Variants in PGAP4 observed in about 807,000 individuals in gnomAD.
The protein encoded by PGAP4 is GPI-N-acetylgalactosamine transferase PGAP4.
Under a neutral mutation model 28.2 loss-of-function variants are expected in PGAP4, and 12 were observed. That is an observed-to-expected ratio of 0.42 (90% CI 0.27 to 0.69). The LOEUF (loss-of-function observed/expected upper bound fraction) is 0.69. PGAP4 is among the 30% of genes least tolerant of loss of function. PGAP4 has a pLI of 0.22. For synonymous variants in PGAP4, 205 were observed against 211.8 expected (o/e 0.97, Z 0.28); for missense variants, 425 against 513.5 (o/e 0.83, Z 1.67).
chr9:101,497,708 G>A (rs1381116570), intron 2 of PGAP4, among the ~76,000 whole-genome samples: 2 of 151,380 alleles, frequency 1.3e-5, no homozygotes, highest in Non-Finnish European at 1.5e-5. Flanking sequence ...ATTTATTAAA[G>A]ATTTACTTAA....
Position 101,475,892 on chromosome 9 carries a change from T to G in PGAP4, c.1201A>C (p.Ser401Arg), listed in dbSNP as rs1283204224. Residue 401 changes from serine to arginine, a missense_variant, in exon 2 of 2, where the codon AGT becomes CGT. Ser to Arg is a moderately radical substitution (Grantham distance 110, BLOSUM62 -1). Coordinates refer to ENST00000374848, the MANE Select transcript of PGAP4 (RefSeq NM_032342.3). ...FSSLRYNFHP[S>R]LL is the part of the protein sequence containing the mutation. ...CATCTCTTGGCACCCTAGAGGAGAC[T>G]GGGATGAAAGTTGTACCGGAGACTG... 6.2e-7 allele frequency: 1 copy of G among 1,613,846 alleles called. No homozygotes were observed. The highest frequency in any genetic ancestry group is 1.7e-5 in the Admixed American group (1 of 59,988).
intron 2 of PGAP4, among the ~76,000 whole-genome samples, chr9:101,525,294 A>C (rs368348351): frequency 6.6e-6 from 1 of 152,230 alleles, no homozygotes; most frequent in South Asian, 2.1e-4. Context: ...AATAGCTGAA[A>C]TATTTCATTT....
At chr9:101,506,198 T>C (rs1169608813) in intron 2 of PGAP4, among the ~76,000 whole-genome samples, 2 of 152,050 alleles carry the variant, frequency 1.3e-5, no homozygotes, top group African/African-American at 4.8e-5. Context: ...TGGAAAACTA[T>C]AGTAAGCCGC....
At chr9:101,483,122 T>C (rs1391280876) in intron 1 of PGAP4, among the ~76,000 whole-genome samples, 1 of 152,234 alleles carries the variant, frequency 6.6e-6, no homozygotes, top group African/African-American at 2.4e-5. Context: ...TTGAATCCTT[T>C]TTTAGTAGAT....
At chr9:101,500,626 C>A (rs1826789021) in intron 2 of PGAP4, among the ~76,000 whole-genome samples, 1 of 151,684 alleles carries the variant, frequency 6.6e-6, no homozygotes, top group Admixed American at 6.6e-5. Context: ...CACCAGAGTG[C>A]TCATGATACA....
At chr9:101,529,397 C>T (rs1021295097) in intron 2 of PGAP4, among the ~76,000 whole-genome samples, 9 of 152,102 alleles carry the variant, frequency 5.9e-5, no homozygotes, top group South Asian at 2.1e-4. Flanking sequence ...TCAGGTGATC[C>T]GCCCGCCTTG....
At chr9:101,516,297 C>T (rs1312930167) in intron 2 of PGAP4, among the ~76,000 whole-genome samples, 1 of 152,112 alleles carries the variant, frequency 6.6e-6, no homozygotes, top group Non-Finnish European at 1.5e-5. Context: ...TAACCATCTG[C>T]CTTAACTATT....
intron 1 of PGAP4, among the ~76,000 whole-genome samples, chr9:101,482,491 T>TCAG (rs1826517163): frequency 1.3e-5 from 2 of 152,210 alleles, no homozygotes; most frequent in African/African-American, 4.8e-5. Flanking sequence ...TAGGACACTG[T>TCAG]GCAAATGATG....
chr9:101,477,891 G>A (rs1041678595), intron 1 of PGAP4, among the ~76,000 whole-genome samples: 1 of 151,938 alleles, frequency 6.6e-6, no homozygotes, highest in African/African-American at 2.4e-5. Flanking sequence ...TCTGGAGGAA[G>A]ATCCATGAGT....
chr9:101,477,080 T>C lies in PGAP4; in HGVS notation c.13A>G (p.Thr5Ala), dbSNP rs182375791. The stretch of plus-strand genomic sequence containing the variant: ...CGGAGGAGCATGGCAGCTGGAGAGG[T>C]TGAAGTGCTCATGAGGTCAACTTTT... The part of the protein sequence containing the change: MSTS[T>A]SPAAMLLRRL... The change falls in exon 2 of 2, where the codon ACC becomes GCC. Residue 5 changes from threonine to alanine, a missense_variant. By Grantham distance (58) the Thr-to-Ala change is moderately conservative. Coordinates refer to ENST00000374848, the MANE Select transcript of PGAP4 (RefSeq NM_032342.3). 8.2e-6 allele frequency: 13 copies of C among 1,585,468 alleles called. No homozygotes were observed. The East Asian group carries it at 2.9e-4, about 35-fold the overall frequency.
At chr9:101,500,486 C>T (rs1353804229) in intron 2 of PGAP4, among the ~76,000 whole-genome samples, 11 of 151,830 alleles carry the variant, frequency 7.2e-5, no homozygotes, top group African/African-American at 2.2e-4. Context: ...TCCAGATAAT[C>T]GCTGCATGTC....
upstream of PGAP4, among the ~76,000 whole-genome samples, chr9:101,491,247 G>A (rs922783918): frequency 6.6e-6 from 1 of 152,040 alleles, no homozygotes; most frequent in Non-Finnish European, 1.5e-5. Flanking sequence ...AAGAAAATTG[G>A]TACCCAGAAA....
In PGAP4 at chr9:101,502,260, G is replaced by A. The variant is rs932606479; in HGVS notation, c.-164-13060C>T. Among the ~76,000 whole-genome samples, 3 of 152,162 alleles carry A rather than the reference G, an allele frequency of 2.0e-5. No individual in the cohort carries two copies. In the South Asian group the frequency reaches 6.2e-4, roughly 32 times the overall value. On this transcript the variant is annotated intron_variant, in intron 2 of 3. Coordinates refer to the PGAP4 transcript ENST00000374851. ...AGAAAAGGGAAGTGCGATCTGAAGT[G>A]TTATCCCAGTTTCATGTTTGAACTT...
intron 2 of PGAP4, among the ~76,000 whole-genome samples, chr9:101,527,173 G>A (rs896524162): frequency 6.6e-6 from 1 of 152,132 alleles, no homozygotes; most frequent in South Asian, 2.1e-4. Flanking sequence ...CACCTGGAAG[G>A]GCTTTATAAG....
chr9:101,493,067 A>T (rs922441203), intron 2 of PGAP4, among the ~76,000 whole-genome samples: 6 of 152,056 alleles, frequency 3.9e-5, no homozygotes, highest in Non-Finnish European at 8.8e-5. Context: ...ATCCTGGCCA[A>T]CATGGTGAAA....
chr9:101,505,155 C>G (rs1238559987), intron 2 of PGAP4, among the ~76,000 whole-genome samples: 1 of 152,080 alleles, frequency 6.6e-6, no homozygotes, highest in Non-Finnish European at 1.5e-5. Flanking sequence ...TGCAGTAAGC[C>G]TATCTTTTTC....
chr9:101,506,142 A>G (rs187698701), intron 2 of PGAP4, among the ~76,000 whole-genome samples: 11 of 152,234 alleles, frequency 7.2e-5, no homozygotes, highest in African/African-American at 2.4e-4. Context: ...CAGGCTGCCT[A>G]TTCTCCAGTA....
At chr9:101,527,869 T>A (rs968240352) in intron 2 of PGAP4, among the ~76,000 whole-genome samples, 2 of 152,200 alleles carry the variant, frequency 1.3e-5, no homozygotes, top group Non-Finnish European at 2.9e-5. Flanking sequence ...CAGCATGACA[T>A]GGATTCTTTA....
At chr9:101,532,102 T>A (rs1827098344) in intron 1 of PGAP4, among the ~76,000 whole-genome samples, 1 of 152,090 alleles carries the variant, frequency 6.6e-6, no homozygotes, top group South Asian at 2.1e-4. Context: ...AAACCCCATC[T>A]CTACTAAAAA....
Sources: allele counts gnomAD v4.1 joint callset (sites outside exome capture counted in the v4.1 genomes callset), GRCh38; gene constraint gnomAD v4.1.1; transcripts MANE v1.5; gene names NCBI Gene and HGNC (gene_info 2026-07-23, HGNC 2026-07-21).